Variants in RNF121 observed in about 807,000 individuals in gnomAD.
RNF121 encodes the protein ring finger protein 121, also known as E3 ubiquitin ligase RNF121.
Under a neutral mutation model 46.5 loss-of-function variants are expected in RNF121, and 21 were observed. The observed-to-expected ratio is 0.45, with a 90% CI of 0.32 to 0.65. The LOEUF is 0.65. Among genes scored for constraint, RNF121 ranks in the 30% least tolerant of loss-of-function variants. RNF121 has a pLI of 0.04. For synonymous variants in RNF121, 139 were observed against 144.7 expected (o/e 0.96, Z 0.28); for missense variants, 346 against 416.0 (o/e 0.83, Z 1.46).
At chr11:71,961,823 C>G (rs2134178155) in intron 3 of RNF121, among the ~76,000 whole-genome samples, 1 of 152,204 alleles carries the variant, frequency 6.6e-6, no homozygotes, top group East Asian at 1.9e-4. Context: ...ACTTGTAATC[C>G]CACCTATTGA....
At chr11:71,959,184 G>T (rs1954067226) in intron 2 of RNF121, among the ~76,000 whole-genome samples, 1 of 152,160 alleles carries the variant, frequency 6.6e-6, no homozygotes, top group African/African-American at 2.4e-5. Context: ...CTCCCACCCA[G>T]GGTAAAGTTT....
chr11:71,963,654 T>C (rs549461524), intron 3 of RNF121, among the ~76,000 whole-genome samples: 1 of 152,282 alleles, frequency 6.6e-6, no homozygotes, highest in South Asian at 2.1e-4. Flanking sequence ...AGCTCTTACA[T>C]TTGGAGTTTT....
At chr11:71,943,361 C>T (rs1953633892) in intron 1 of RNF121, among the ~76,000 whole-genome samples, 1 of 152,182 alleles carries the variant, frequency 6.6e-6, no homozygotes, top group Admixed American at 6.5e-5. Context: ...GCTTATAGCT[C>T]AGGGAGAGGT....
intron 7 of RNF121, 141 bp downstream of exon 7, chr11:71,994,993 T>G: frequency 8.7e-7 from 1 of 1,146,046 alleles, no homozygotes; most frequent in Non-Finnish European, 1.3e-6. Context: ...CCACCTTCCC[T>G]ACCCTTTCCC....
intron 3 of RNF121, among the ~76,000 whole-genome samples, chr11:71,980,207 T>C (rs1437150861): frequency 6.6e-6 from 1 of 152,286 alleles, no homozygotes; most frequent in East Asian, 1.9e-4. Context: ...GAATTGTTAT[T>C]GAGGCTTCAA....
At chr11:71,977,856 A>G (rs931195719) in intron 3 of RNF121, among the ~76,000 whole-genome samples, 1 of 152,230 alleles carries the variant, frequency 6.6e-6, no homozygotes, top group Non-Finnish European at 1.5e-5. Flanking sequence ...TGGAGGGCCA[A>G]GGCTTTCATG....
At chr11:71,941,536 A>G (rs1311885971) in intron 1 of RNF121, among the ~76,000 whole-genome samples, 2 of 152,242 alleles carry the variant, frequency 1.3e-5, no homozygotes, top group Non-Finnish European at 2.9e-5. Flanking sequence ...GGTAAAGTAG[A>G]TAACAAATAA....
intron 1 of RNF121, among the ~76,000 whole-genome samples, chr11:71,938,052 A>G (rs990004329): frequency 1.3e-5 from 2 of 152,176 alleles, no homozygotes; most frequent in Non-Finnish European, 2.9e-5. Context: ...GGAAGCAGAG[A>G]GCACAATCCC....
At chr11:71,936,424 C>G (rs113537506) in intron 1 of RNF121, among the ~76,000 whole-genome samples, 4,945 of 151,884 alleles carry the variant, frequency 0.033, 80 homozygotes, top group East Asian at 0.078. Context: ...GAGTCTCGCT[C>G]TGTCACCCAG....
At chr11:71,929,438 A>G (rs1426800841) in intron 1 of RNF121, among the ~76,000 whole-genome samples, 1 of 151,342 alleles carries the variant, frequency 6.6e-6, no homozygotes, top group Admixed American at 6.6e-5. Flanking sequence ...AAGGGCTAAG[A>G]GGTAGTTTGA....
At chr11:71,942,772 G>GTATATATATATATATATA in intron 1 of RNF121, among the ~76,000 whole-genome samples, 2 of 18,966 alleles carry the variant, frequency 1.1e-4, no homozygotes, top group East Asian at 1.6e-3. Context: ...CTATATATCT[G>GTATATATATATATATATA]TATATATATA....
intron 3 of RNF121, among the ~76,000 whole-genome samples, chr11:71,976,197 C>T (rs1165893663): frequency 1.9e-4 from 29 of 152,006 alleles, no homozygotes; most frequent in Admixed American, 1.9e-3. Context: ...ATCCTAGCTG[C>T]TCTCTTATGG....
At chr11:71,957,912 T>G (rs146918368) in intron 2 of RNF121, among the ~76,000 whole-genome samples, 19 of 152,306 alleles carry the variant, frequency 1.2e-4, no homozygotes, top group African/African-American at 3.6e-4. Context: ...CCTTAGAATT[T>G]AATAGTGAGA....
At chr11:71,976,734 G>A (rs949862433) in intron 3 of RNF121, among the ~76,000 whole-genome samples, 1 of 152,016 alleles carries the variant, frequency 6.6e-6, no homozygotes, top group African/African-American at 2.4e-5. Flanking sequence ...ATATTCCCTG[G>A]CAATTTGTGG....
chr11:71,950,385 A>T (rs1953844010), intron 1 of RNF121, among the ~76,000 whole-genome samples: 1 of 151,988 alleles, frequency 6.6e-6, no homozygotes. Context: ...GGAGTTTGAG[A>T]CTGGCCTGGC....
intron 1 of RNF121, among the ~76,000 whole-genome samples, chr11:71,935,176 A>G (rs1409702911): frequency 6.6e-6 from 1 of 152,004 alleles, no homozygotes; most frequent in African/African-American, 2.4e-5. Flanking sequence ...CAAGCAATCC[A>G]CCTGCCTTGG....
At chr11:71,989,857 T>C (rs1263429664) in intron 5 of RNF121, among the ~76,000 whole-genome samples, 1 of 152,216 alleles carries the variant, frequency 6.6e-6, no homozygotes, top group African/African-American at 2.4e-5. Flanking sequence ...TTTTATCTTT[T>C]TTTCTTAAAC....
At chr11:71,943,934 G>A (rs1278205320) in intron 1 of RNF121, among the ~76,000 whole-genome samples, 1 of 152,208 alleles carries the variant, frequency 6.6e-6, no homozygotes, top group East Asian at 1.9e-4. Context: ...AAAATAGGGA[G>A]ACTGGAAAGG....
Position 71,987,670 on chromosome 11 carries a change from G to A in RNF121, c.506+559G>A, listed in dbSNP as rs56160537. ...AATAGTTGTGATAAAGACCATATGG[G>A]CTACAAAACCTAAAATATTTACCAT... On this transcript the variant is annotated intron_variant, in intron 5 of 8. Coordinates refer to ENST00000361756, the MANE Select transcript of RNF121 (RefSeq NM_018320.5). Among the ~76,000 whole-genome samples the A allele has an allele frequency of 4.1e-3, 630 of 152,284 alleles. 9 individuals are homozygous for A. The highest frequency in any genetic ancestry group is 0.015 in the African/African-American group (608 of 41,544).
Sources: allele counts gnomAD v4.1 joint callset (sites outside exome capture counted in the v4.1 genomes callset), GRCh38; gene constraint gnomAD v4.1.1; transcripts MANE v1.5; gene names NCBI Gene and HGNC (gene_info 2026-07-23, HGNC 2026-07-21).